The following PDE1A variants were observed in gnomAD, a reference collection of about 807,000 sequenced individuals.
The protein encoded by PDE1A is phosphodiesterase 1A, also known as dual specificity calcium/calmodulin-dependent 3',5'-cyclic nucleotide phosphodiesterase 1A.
Under a neutral mutation model 61.7 loss-of-function variants are expected in PDE1A, and 35 were observed. The observed-to-expected ratio is 0.57, with a 90% CI of 0.43 to 0.75. The LOEUF (loss-of-function observed/expected upper bound fraction) is 0.75, where lower values mean the gene tolerates loss of function less well. Ranked by LOEUF, PDE1A falls within the 30% of genes least tolerant of loss-of-function variation. The probability of loss-of-function intolerance (pLI) is 0.00; values close to 1 mark genes in which losing one functional copy is unlikely to be tolerated. For missense variants in PDE1A, 597 were observed against 630.6 expected (o/e 0.95, Z 0.57); for synonymous variants, 232 against 213.2 (o/e 1.09, Z -0.77).
downstream of PDE1A, among the ~76,000 whole-genome samples, chr2:182,166,043 G>A (rs556595682): frequency 2.0e-5 from 3 of 152,272 alleles, no homozygotes; most frequent in South Asian, 2.1e-4. Flanking sequence ...ATGTTGGACA[G>A]AATTATGACC....
rs112347667 is a variant in PDE1A, at chr2:182,203,112, G to A, written c.903-1323C>T. 5.1e-3 allele frequency among the ~76,000 whole-genome samples: 772 copies of A among 152,152 alleles called. 6 individuals carry two copies. The highest frequency in any genetic ancestry group is 0.017 in the Middle Eastern group (5 of 294). ...GGGTGGATCACGAGGTCAGGAGATCGAGACCATCCTGGCTAACACGGTGAA... is the reference window on the plus strand; with the variant it reads ...GGGTGGATCACGAGGTCAGGAGATCAAGACCATCCTGGCTAACACGGTGAA... On this transcript the variant is annotated intron_variant, in intron 8 of 13. Coordinates refer to ENST00000351439, the Ensembl canonical transcript of PDE1A.
At chr2:182,304,006 T>A (rs1331139853) in intron 1 of PDE1A, among the ~76,000 whole-genome samples, 20 of 152,092 alleles carry the variant, frequency 1.3e-4, no homozygotes, top group Non-Finnish European at 1.5e-5. Context: ...GTTCAGGTGA[T>A]TCTCCTGCCT....
intron 2 of PDE1A, among the ~76,000 whole-genome samples, chr2:182,437,754 T>G (rs1325288285): frequency 6.6e-6 from 1 of 151,988 alleles, no homozygotes; most frequent in East Asian, 1.9e-4. Context: ...TGATTCACTT[T>G]GATTCTTTCT....
chr2:182,352,446 T>C (rs1698937177), intron 1 of PDE1A, among the ~76,000 whole-genome samples: 2 of 152,180 alleles, frequency 1.3e-5, no homozygotes, highest in Non-Finnish European at 2.9e-5. Flanking sequence ...GGCTAACTTC[T>C]TGGCTTCTAA....
chr2:182,634,236 A>T, the PDE1A span, among the ~76,000 whole-genome samples: 1 of 152,204 alleles, frequency 6.6e-6, no homozygotes, highest in Non-Finnish European at 1.5e-5. Context: ...TAAAATGTAC[A>T]AATGTACATT....
intron 1 of PDE1A, among the ~76,000 whole-genome samples, chr2:182,350,142 T>G (rs1462341870): frequency 6.6e-6 from 1 of 152,188 alleles, no homozygotes; most frequent in Non-Finnish European, 1.5e-5. Context: ...CTGCCTATTT[T>G]TAAAATGCAT....
the PDE1A span, among the ~76,000 whole-genome samples, chr2:182,645,276 G>GCACCCAGC: frequency 5.3e-5 from 8 of 151,580 alleles, no homozygotes; most frequent in Admixed American, 2.0e-4. Context: ...GTGAGCCACC[G>GCACCCAGC]CCTCTTCTGT....
At chr2:182,708,240 A>T in the PDE1A span, among the ~76,000 whole-genome samples, 1 of 152,022 alleles carries the variant, frequency 6.6e-6, no homozygotes, top group Non-Finnish European at 1.5e-5. Context: ...CCATGATTCA[A>T]TTATCTCCCA....
At chr2:182,529,868 T>C in the PDE1A span, among the ~76,000 whole-genome samples, 2 of 152,212 alleles carry the variant, frequency 1.3e-5, no homozygotes, top group Non-Finnish European at 2.9e-5. Context: ...TCCCTAACCA[T>C]GTGGAACTGT....
intron 1 of PDE1A, among the ~76,000 whole-genome samples, chr2:182,285,776 G>C (rs1694118071): frequency 6.6e-6 from 1 of 152,078 alleles, no homozygotes; most frequent in Non-Finnish European, 1.5e-5. Context: ...ACATGGAGCA[G>C]ACTTGAGTCT....
intron 1 of PDE1A, among the ~76,000 whole-genome samples, chr2:182,415,911 A>G (rs955878005): frequency 1.3e-5 from 2 of 152,312 alleles, no homozygotes; most frequent in Admixed American, 6.5e-5. Context: ...TTATACCTCA[A>G]AGAAGAACCA....
intron 1 of PDE1A, among the ~76,000 whole-genome samples, chr2:182,370,933 A>G (rs1028555392): frequency 6.6e-6 from 1 of 152,226 alleles, no homozygotes; most frequent in African/African-American, 2.4e-5. Flanking sequence ...GAAAAAGTTC[A>G]GAAAAACTGC....
At chr2:182,225,685 G>T in intron 6 of PDE1A, among the ~76,000 whole-genome samples, 1 of 139,312 alleles carries the variant, frequency 7.2e-6, no homozygotes, top group South Asian at 2.1e-4. Flanking sequence ...TTGGGTTAAT[G>T]TATGCACTGC....
intron 2 of PDE1A, among the ~76,000 whole-genome samples, chr2:182,509,393 C>A (rs1473786563): frequency 1.3e-5 from 2 of 152,050 alleles, no homozygotes; most frequent in Non-Finnish European, 2.9e-5. Context: ...TTTGAGTACG[C>A]AAAACTAGAC....
At chr2:182,293,622 T>A (rs907076743) in intron 1 of PDE1A, among the ~76,000 whole-genome samples, 7 of 152,160 alleles carry the variant, frequency 4.6e-5, no homozygotes, top group Non-Finnish European at 1.0e-4. Flanking sequence ...TCCCAGTGGA[T>A]GTCTGAAACT....
intron 2 of PDE1A, among the ~76,000 whole-genome samples, chr2:182,447,129 A>G (rs1014773941): frequency 2.4e-4 from 36 of 151,598 alleles, no homozygotes; most frequent in African/African-American, 8.2e-4. Context: ...ACACACACAC[A>G]CACACACACA....
chr2:182,179,669 C>G (rs574303851), intron 13 of PDE1A, among the ~76,000 whole-genome samples: 1 of 152,098 alleles, frequency 6.6e-6, no homozygotes. Flanking sequence ...CCTCCTTTCT[C>G]TACCCCCTCC....
the PDE1A span, among the ~76,000 whole-genome samples, chr2:182,691,773 A>T: frequency 0.015 from 2,332 of 152,174 alleles, 34 homozygotes; most frequent in East Asian, 0.081. Flanking sequence ...ATTTTTACAA[A>T]CTACTCATGT....
At chr2:182,208,583 A>C (rs1409019603) in intron 7 of PDE1A, among the ~76,000 whole-genome samples, 1 of 152,190 alleles carries the variant, frequency 6.6e-6, no homozygotes, top group Non-Finnish European at 1.5e-5. Context: ...AAATCTACCG[A>C]CAGCTTGCAC....
Sources: gnomAD v4.1 joint callset for allele counts (sites outside exome capture counted in the v4.1 genomes callset) on GRCh38, gnomAD v4.1.1 for gene constraint, MANE v1.5 for transcripts, NCBI Gene and HGNC (gene_info 2026-07-23, HGNC 2026-07-21) for gene names.